Variants in EVI5 observed in about 807,000 individuals in gnomAD.
The protein encoded by EVI5 is ecotropic viral integration site 5.
A neutral mutation model predicts 112.0 loss-of-function variants in EVI5; 73 were observed. The observed-to-expected ratio is 0.65, with a 90% CI of 0.54 to 0.79. EVI5 has a LOEUF of 0.79. EVI5 is among the 30% of genes least tolerant of loss of function. The probability of loss-of-function intolerance (pLI) is 0.00; values close to 1 mark genes in which losing one functional copy is unlikely to be tolerated. For synonymous variants in EVI5, 305 were observed against 319.9 expected, an observed-to-expected ratio of 0.95 and a Z score of 0.50; for missense variants, 900 against 968.8, an observed-to-expected ratio of 0.93 and a Z score of 0.94.
chr1:92,695,344 A>T lies in EVI5; in HGVS notation c.875T>A (p.Ile292Asn). 2.5e-6 allele frequency: 4 copies of T among 1,612,042 alleles called. No individual in the cohort carries two copies. Among genetic ancestry groups the T allele is most frequent in the Non-Finnish European group, 3.4e-6 (4 of 1,178,478 alleles). Residue 292 changes from isoleucine to asparagine, a missense_variant, in exon 7 of 20, where the codon ATT becomes AAT. Physicochemically the swap from Ile to Asn is moderately radical, Grantham distance 149. Transcript: ENST00000684568. ...AAAGATATCAAATATCCTTGTTGCAATTGGTAGTGGAAAAGTTGTAAGAAA... is the reference window on the plus strand; with the variant it reads ...AAAGATATCAAATATCCTTGTTGCATTTGGTAGTGGAAAAGTTGTAAGAAA... ...TIFLTTFPLP[I>N]ATRIFDIFMS...
At chr1:92,746,634 G>T (rs1027107115) in intron 1 of EVI5, among the ~76,000 whole-genome samples, 10 of 152,140 alleles carry the variant, frequency 6.6e-5, no homozygotes, top group African/African-American at 2.2e-4. Context: ...GCTGAGGTGG[G>T]AGGATGACTT....
chr1:92,736,161 T>C (rs1243845269), intron 2 of EVI5, among the ~76,000 whole-genome samples: 1 of 151,916 alleles, frequency 6.6e-6, no homozygotes, highest in Non-Finnish European at 1.5e-5. Flanking sequence ...TTGATAAAAT[T>C]CAAGAAGGAT....
At chr1:92,715,535 G>A (rs1411546415) in intron 2 of EVI5, among the ~76,000 whole-genome samples, 1 of 152,162 alleles carries the variant, frequency 6.6e-6, no homozygotes, top group Non-Finnish European at 1.5e-5. Flanking sequence ...GCAGCTCCCA[G>A]CGTGATCGAC....
intron 18 of EVI5, among the ~76,000 whole-genome samples, chr1:92,584,369 T>A (rs1557839074): frequency 6.6e-6 from 1 of 152,186 alleles, no homozygotes. Flanking sequence ...CATTGATATT[T>A]TCAACGCACA....
chr1:92,653,613 C>T (rs1662518589), intron 13 of EVI5, among the ~76,000 whole-genome samples: 1 of 152,348 alleles, frequency 6.6e-6, no homozygotes, highest in East Asian at 1.9e-4. Context: ...TCAGAGCACA[C>T]AGACTTTCTG....
intron 18 of EVI5, among the ~76,000 whole-genome samples, chr1:92,586,888 T>C (rs1033483409): frequency 3.3e-5 from 5 of 152,054 alleles, no homozygotes; most frequent in African/African-American, 1.2e-4. Context: ...CACTGGAGAA[T>C]GGTATTAAAA....
intron 2 of EVI5, among the ~76,000 whole-genome samples, chr1:92,717,408 G>T (rs559311470): frequency 5.9e-5 from 9 of 152,156 alleles, no homozygotes; most frequent in Non-Finnish European, 1.3e-4. Flanking sequence ...TTAAAGAAAA[G>T]AATTTTCAAC....
intron 12 of EVI5, among the ~76,000 whole-genome samples, chr1:92,663,177 T>C (rs1664312660): frequency 6.6e-6 from 1 of 152,334 alleles, no homozygotes; most frequent in Middle Eastern, 3.4e-3. Context: ...CAGAATCCAC[T>C]TATTGCCATT....
intron 19 of EVI5, among the ~76,000 whole-genome samples, chr1:92,546,923 A>G (rs929443378): frequency 5.3e-5 from 8 of 152,170 alleles, no homozygotes; most frequent in African/African-American, 1.9e-4. Context: ...CCCACTGTCA[A>G]CATTAGACAG....
chr1:92,703,295 T>A, intron 4 of EVI5, 100 bp downstream of exon 4: 1 of 707,306 alleles, frequency 1.4e-6, no homozygotes, highest in Non-Finnish European at 2.3e-6. Flanking sequence ...CCAAAGCAAC[T>A]GATTATTGTG....
intron 1 of EVI5, among the ~76,000 whole-genome samples, chr1:92,744,594 TCTCTCTCACACACACACA>T (rs145229496): frequency 0.43 from 57,273 of 133,838 alleles, 11,285 homozygotes; most frequent in East Asian, 0.66. Context: ...TATCTCTCTC[TCTCTCTCACACACACACA>T]CACACACACA....
chr1:92,520,494 G>C (rs1412407855), intron 19 of EVI5, among the ~76,000 whole-genome samples: 7 of 152,142 alleles, frequency 4.6e-5, no homozygotes, highest in Non-Finnish European at 7.3e-5. Context: ...GGTTCATGGT[G>C]GGGGTGAGGA....
intron 6 of EVI5, 112 bp downstream of exon 6, chr1:92,697,748 A>T: frequency 3.5e-6 from 3 of 847,994 alleles, no homozygotes; most frequent in Middle Eastern, 3.0e-4. Context: ...TAAAACACTT[A>T]CTTCTTCAAG....
intron 2 of EVI5, among the ~76,000 whole-genome samples, chr1:92,729,460 C>A (rs1184378787): frequency 6.6e-6 from 1 of 152,108 alleles, no homozygotes; most frequent in African/African-American, 2.4e-5. Context: ...AACATATTAC[C>A]GATAAAGGTC....
intron 19 of EVI5, among the ~76,000 whole-genome samples, chr1:92,514,588 A>G (rs1659586706): frequency 1.3e-5 from 2 of 152,216 alleles, no homozygotes; most frequent in Non-Finnish European, 2.9e-5. Context: ...AGCTAGTAGC[A>G]AAGTTTAGAT....
chr1:92,539,492 G>A (rs1571393635), intron 19 of EVI5, among the ~76,000 whole-genome samples: 1 of 146,330 alleles, frequency 6.8e-6, no homozygotes, highest in East Asian at 2.0e-4. Context: ...GTAGTGAGAC[G>A]AGATCATGCC....
intron 2 of EVI5, among the ~76,000 whole-genome samples, chr1:92,708,025 T>C (rs1672275041): frequency 6.6e-6 from 1 of 152,246 alleles, no homozygotes; most frequent in South Asian, 2.1e-4. Flanking sequence ...ATTCCATCTA[T>C]ATAAAGTTCA....
intron 13 of EVI5, among the ~76,000 whole-genome samples, chr1:92,643,924 A>G (rs1271764768): frequency 3.2e-5 from 1 of 31,300 alleles, no homozygotes; most frequent in Non-Finnish European, 1.1e-4. Flanking sequence ...AGAAAAAAAG[A>G]GAAAGATTCT....
intron 19 of EVI5, among the ~76,000 whole-genome samples, chr1:92,536,787 C>T (rs1031149838): frequency 2.0e-5 from 3 of 152,000 alleles, no homozygotes; most frequent in Non-Finnish European, 4.4e-5. Context: ...CTAGAGGAGA[C>T]AATGTGCTGT....
Sources: allele counts gnomAD v4.1 joint callset (sites outside exome capture counted in the v4.1 genomes callset), GRCh38; gene constraint gnomAD v4.1.1; transcripts MANE v1.5; gene names NCBI Gene and HGNC (gene_info 2026-07-23, HGNC 2026-07-21).